SHISA9: variants seen among roughly 807,000 people sequenced by gnomAD.
SHISA9 encodes the protein shisa family member 9.
In SHISA9, 13 loss-of-function variants were observed where a neutral mutation model predicts 38.0. The observed-to-expected ratio is 0.34, with a 90% CI of 0.22 to 0.54. SHISA9 has a LOEUF of 0.54. Among genes scored for constraint, SHISA9 ranks in the 20% least tolerant of loss-of-function variants. SHISA9 has a pLI of 0.91. For missense variants in SHISA9, 538 were observed against 575.8 expected (o/e 0.93, Z 0.67); for synonymous variants, 275 against 242.0 (o/e 1.14, Z -1.27).
intron 4 of SHISA9, among the ~76,000 whole-genome samples, chr16:13,226,245 A>G (rs1371683728): frequency 6.6e-6 from 1 of 152,200 alleles, no homozygotes; most frequent in Non-Finnish European, 1.5e-5. Flanking sequence ...CTTCCAGGTA[A>G]TGGAAATGAT....
intron 2 of SHISA9, among the ~76,000 whole-genome samples, chr16:12,979,377 T>A (rs2072210475): frequency 6.6e-6 from 1 of 152,056 alleles, no homozygotes; most frequent in African/African-American, 2.4e-5. Context: ...ACTCCCATCG[T>A]TCCATGCAGG....
At chr16:13,517,358 C>G in the SHISA9 span, among the ~76,000 whole-genome samples, 2 of 152,262 alleles carry the variant, frequency 1.3e-5, no homozygotes, top group East Asian at 1.9e-4. Flanking sequence ...TTATTCTAAG[C>G]CATCCAATTT....
At chr16:13,506,283 G>A in the SHISA9 span, among the ~76,000 whole-genome samples, 1 of 152,106 alleles carries the variant, frequency 6.6e-6, no homozygotes, top group East Asian at 1.9e-4. Context: ...CAGTTCAAGG[G>A]GCTTGGGGAC....
intron 2 of SHISA9, among the ~76,000 whole-genome samples, chr16:13,040,297 G>T (rs1459484021): frequency 6.6e-6 from 1 of 152,116 alleles, no homozygotes; most frequent in Admixed American, 6.5e-5. Flanking sequence ...ACATTGGTTG[G>T]CTTTCTATTC....
At chr16:12,983,238 C>T (rs541029130) in intron 2 of SHISA9, among the ~76,000 whole-genome samples, 26 of 152,240 alleles carry the variant, frequency 1.7e-4, no homozygotes, top group Non-Finnish European at 3.1e-4. Context: ...CTTGTGGCAG[C>T]GGGGAGTGGC....
chr16:13,477,234 A>T, the SHISA9 span, among the ~76,000 whole-genome samples: 1 of 152,166 alleles, frequency 6.6e-6, no homozygotes, highest in South Asian at 2.1e-4. Context: ...ATAAACAATT[A>T]TTTCAATGCA....
At chr16:13,019,810 TTC>T (rs1224584874) in intron 2 of SHISA9, among the ~76,000 whole-genome samples, 86 of 143,032 alleles carry the variant, frequency 6.0e-4, no homozygotes, top group African/African-American at 2.1e-3. Context: ...CTTTCTTTCT[TTC>T]TTTCTTTCTT....
the SHISA9 span, among the ~76,000 whole-genome samples, chr16:13,293,031 T>A: frequency 6.6e-6 from 1 of 152,104 alleles, no homozygotes; most frequent in Non-Finnish European, 1.5e-5. Flanking sequence ...AAACCCAGGT[T>A]TCCCCCCTGC....
the SHISA9 span, among the ~76,000 whole-genome samples, chr16:13,511,262 C>A: frequency 6.6e-6 from 1 of 152,154 alleles, no homozygotes; most frequent in African/African-American, 2.4e-5. Context: ...ATAGGGAATT[C>A]ACACACAGTT....
At chr16:13,521,248 C>G in the SHISA9 span, among the ~76,000 whole-genome samples, 1,724 of 152,332 alleles carry the variant, frequency 0.011, 15 homozygotes, top group Non-Finnish European at 0.017. Flanking sequence ...TCCCTTGAAT[C>G]TTCTTCCCTG....
chr16:13,058,276 C>T (rs1432179475), intron 2 of SHISA9, among the ~76,000 whole-genome samples: 1 of 152,146 alleles, frequency 6.6e-6, no homozygotes, highest in African/African-American at 2.4e-5. Flanking sequence ...AGGACTAGTT[C>T]TAGAGTTACA....
At chr16:13,407,131 C>G in the SHISA9 span, among the ~76,000 whole-genome samples, 1 of 136,132 alleles carries the variant, frequency 7.3e-6, no homozygotes, top group Non-Finnish European at 1.6e-5. Context: ...TCTATTCAAA[C>G]TACCACAACA....
the SHISA9 span, among the ~76,000 whole-genome samples, chr16:13,451,832 GGAGGTC>G: frequency 6.6e-6 from 1 of 152,214 alleles, no homozygotes. Context: ...GTGATTTAAA[GGAGGTC>G]TTTGCCCTGT....
chr16:13,455,657 GC>G, the SHISA9 span, among the ~76,000 whole-genome samples: 37 of 152,314 alleles, frequency 2.4e-4, no homozygotes, highest in Middle Eastern at 3.4e-3. Context: ...AAAACATGAA[GC>G]TAAGTGCCCA....
intron 2 of SHISA9, among the ~76,000 whole-genome samples, chr16:13,016,428 T>C (rs191967476): frequency 3.3e-5 from 5 of 152,282 alleles, no homozygotes; most frequent in Non-Finnish European, 5.9e-5. Flanking sequence ...GAATAGAGAA[T>C]GAGTAAGAAA....
chr16:13,179,276 C>A (rs1289274524), intron 2 of SHISA9, among the ~76,000 whole-genome samples: 5 of 152,190 alleles, frequency 3.3e-5, no homozygotes, highest in African/African-American at 1.2e-4. Context: ...CACACCACTG[C>A]ACCCCAGCCC....
At chr16:13,378,230 A>G in the SHISA9 span, among the ~76,000 whole-genome samples, 1 of 152,328 alleles carries the variant, frequency 6.6e-6, no homozygotes, top group South Asian at 2.1e-4. Context: ...TTGCTCCAAT[A>G]TGGCTACCTC....
intron 2 of SHISA9, among the ~76,000 whole-genome samples, chr16:13,019,095 G>T (rs2072791215): frequency 6.6e-6 from 1 of 152,078 alleles, no homozygotes; most frequent in South Asian, 2.1e-4. Flanking sequence ...CACCTCCCCA[G>T]TTCAATAGAT....
chr16:13,543,068 A>G, the SHISA9 span, among the ~76,000 whole-genome samples: 6 of 152,150 alleles, frequency 3.9e-5, no homozygotes, highest in Admixed American at 3.9e-4. Flanking sequence ...CATTCCACAA[A>G]TATTTTTTGA....
Sources: allele counts gnomAD v4.1 joint callset (sites outside exome capture counted in the v4.1 genomes callset), GRCh38; gene constraint gnomAD v4.1.1; transcripts MANE v1.5; gene names NCBI Gene and HGNC (gene_info 2026-07-23, HGNC 2026-07-21).